NIPBL: variants seen among roughly 807,000 people sequenced by gnomAD.
NIPBL encodes the protein nipped-B-like protein.
In NIPBL, 19 loss-of-function variants were observed where a neutral mutation model predicts 321.8. That is an observed-to-expected ratio of 0.06 (90% CI 0.04 to 0.09). NIPBL has a LOEUF of 0.09. Ranked by LOEUF, NIPBL falls within the 10% of genes least tolerant of loss-of-function variation. The pLI is 1.00. For synonymous variants in NIPBL, 1,106 were observed against 1,114.1 expected (o/e 0.99, Z 0.14); for missense variants, 2,210 against 3,327.0 (o/e 0.66, Z 8.26).
In NIPBL at chr5:37,053,851, T is replaced by C. The variant is rs138928882; in HGVS notation, c.7263+1285T>C. ...GAGCATAAAATAGTAAAAACAGATATGGTTTCTGCCCACACAGAGCACGCA... is the reference window on the plus strand; with the variant it reads ...GAGCATAAAATAGTAAAAACAGATACGGTTTCTGCCCACACAGAGCACGCA... On this transcript the variant is annotated intron_variant, in intron 42 of 46. Transcript: ENST00000282516. 4.3e-3 allele frequency among the ~76,000 whole-genome samples: 648 copies of C among 152,328 alleles called. 2 individuals are homozygous for C. Among genetic ancestry groups the C allele is most frequent in the African/African-American group, 0.014 (599 of 41,566 alleles).
At chr5:36,952,043 TGTGTGTGTGTGC>T (rs984623289) in intron 1 of NIPBL, among the ~76,000 whole-genome samples, 5 of 115,234 alleles carry the variant, frequency 4.3e-5, no homozygotes, top group African/African-American at 1.4e-4. Flanking sequence ...TGTGTGTGTG[TGTGTGTGTGTGC>T]GCGCGCGCGC....
chr5:37,044,611 T>A, intron 35 of NIPBL, 25 bp from the exon 36 acceptor site: 1 of 1,601,800 alleles, frequency 6.2e-7, no homozygotes, highest in Non-Finnish European at 8.5e-7. Context: ...TTAACTTTTA[T>A]CTAAACATTT....
intron 15 of NIPBL, among the ~76,000 whole-genome samples, chr5:37,003,032 A>T (rs1158279072): frequency 6.6e-6 from 1 of 151,702 alleles, no homozygotes; most frequent in African/African-American, 2.4e-5. Context: ...CATTTTCTCA[A>T]ATATTTAGAT....
chr5:36,920,679 C>G (rs1748862415), intron 1 of NIPBL, among the ~76,000 whole-genome samples: 1 of 152,088 alleles, frequency 6.6e-6, no homozygotes, highest in Non-Finnish European at 1.5e-5. Flanking sequence ...AAATGTCTTT[C>G]AGCAAAGAAA....
chr5:37,017,098 G>A lies in NIPBL; in HGVS notation c.4856G>A (p.Arg1619Gln), dbSNP rs772077115. The A allele has an allele frequency of 3.1e-6, 5 of 1,612,708 alleles. No individual in the cohort carries two copies. Among genetic ancestry groups the A allele is most frequent in the East Asian group, 2.2e-5 (1 of 44,772 alleles). ...SLDYLGTVAARLRKDAVTSKM... is the reference protein window; with the variant it reads ...SLDYLGTVAAQLRKDAVTSKM... The stretch of plus-strand genomic sequence containing the variant: ...GATTACCTTGGAACTGTTGCTGCAC[G>A]GCTAAGAAAAGATGCTGTTACAAGC... Residue 1619 changes from arginine to glutamine, a missense_variant, in exon 24 of 47, where the codon CGG becomes CAG. By Grantham distance (43) the Arg-to-Gln change is conservative. Around this residue, in one of 14 missense-constraint regions of NIPBL, gnomAD observed 28 missense variants for 91.3 expected, o/e 0.31. Transcript: ENST00000282516.
chr5:36,898,314 G>A (rs753582859), intron 1 of NIPBL, among the ~76,000 whole-genome samples: 10 of 151,964 alleles, frequency 6.6e-5, no homozygotes, highest in Admixed American at 2.6e-4. Context: ...GTAGAGAAGG[G>A]TAGTGTAATC....
chr5:36,879,892 G>A (rs866926667), intron 1 of NIPBL, among the ~76,000 whole-genome samples: 1 of 152,036 alleles, frequency 6.6e-6, no homozygotes, highest in Non-Finnish European at 1.5e-5. Flanking sequence ...TTTGAGAAGT[G>A]TATATAGGAT....
intron 1 of NIPBL, among the ~76,000 whole-genome samples, chr5:36,918,649 T>C (rs1244010386): frequency 6.6e-6 from 1 of 152,284 alleles, no homozygotes; most frequent in Non-Finnish European, 1.5e-5. Flanking sequence ...CAGTATGATA[T>C]TGGCTGTGGG....
chr5:36,927,740 A>AGATATTT (rs1580252544), intron 1 of NIPBL, among the ~76,000 whole-genome samples: 1 of 152,196 alleles, frequency 6.6e-6, no homozygotes, highest in African/African-American at 2.4e-5. Context: ...ATCCAAATGG[A>AGATATTT]GATATCAAAT....
chr5:36,981,177 G>C (rs1033414301), intron 9 of NIPBL, among the ~76,000 whole-genome samples: 2 of 151,644 alleles, frequency 1.3e-5, no homozygotes, highest in South Asian at 2.1e-4. Flanking sequence ...TATTTGTCTG[G>C]CCTACTAGTT....
At chr5:36,992,713 TA>T (rs1352771490) in intron 10 of NIPBL, among the ~76,000 whole-genome samples, 1 of 60,946 alleles carries the variant, frequency 1.6e-5, no homozygotes, top group African/African-American at 1.0e-4. Context: ...TCATGCATTT[TA>T]TTTATTTATT....
At chr5:37,015,830 A>G (rs935839873) in intron 22 of NIPBL, among the ~76,000 whole-genome samples, 1 of 152,238 alleles carries the variant, frequency 6.6e-6, no homozygotes, top group Non-Finnish European at 1.5e-5. Flanking sequence ...GTATTGCTTA[A>G]TAAATGAATT....
At chr5:37,019,956 C>T (rs1327012920) in intron 25 of NIPBL, among the ~76,000 whole-genome samples, 1 of 152,104 alleles carries the variant, frequency 6.6e-6, no homozygotes, top group Non-Finnish European at 1.5e-5. Flanking sequence ...GCTCTTCAGC[C>T]AAATACTGTA....
chr5:37,007,395 A>G lies in NIPBL; in HGVS notation c.4160A>G (p.Tyr1387Cys), dbSNP rs1313146737. The G allele has an allele frequency of 6.2e-7, 1 of 1,611,030 alleles. No individual in the cohort carries two copies. Among genetic ancestry groups the G allele is most frequent in the Non-Finnish European group, 8.5e-7 (1 of 1,177,640 alleles). ...THKQRVIVML[Y>C]NKVCDIVSSL... ...AAGCAGAGAGTAATAGTAATGCTTT[A>G]TAACAAAGTTTGTGACATTGTTAGC... is the stretch of plus-strand genomic sequence containing the variant. The change falls in exon 18 of 47, where the codon TAT becomes TGT. Residue 1387 changes from tyrosine (Y) to cysteine (C), a missense_variant. Tyr to Cys is a radical substitution (Grantham distance 194). Transcript: ENST00000282516.
chr5:36,924,966 G>A (rs555896114), intron 1 of NIPBL, among the ~76,000 whole-genome samples: 1 of 152,024 alleles, frequency 6.6e-6, no homozygotes, highest in Non-Finnish European at 1.5e-5. Flanking sequence ...CTGTCATCAG[G>A]TTAAGAAACA....
intron 36 of NIPBL, among the ~76,000 whole-genome samples, chr5:37,045,000 TTAGACTCTG>T (rs1448313579): frequency 6.6e-6 from 1 of 151,996 alleles, no homozygotes; most frequent in African/African-American, 2.4e-5. Context: ...TTACATTAGT[TTAGACTCTG>T]AAGAGCACTC....
Position 36,984,843 on chromosome 5 carries a change from G to T in NIPBL, c.1663G>T (p.Ala555Ser). The change falls in exon 10 of 47, where the codon GCT (alanine) becomes TCT (serine). Residue 555 changes from alanine to serine, a missense_variant. By Grantham distance (99) the Ala-to-Ser change is moderately conservative (BLOSUM62 1). This residue lies in a region of NIPBL where 588 missense variants were observed against 564.1 expected (regional missense o/e 1.04). Transcript: ENST00000282516. ...TCAGGCAGGAAGAGTGGACTCTCAG[G>T]CTTCTATAACTCAGGATTCAGACTC... ...LHQAGRVDSQ[A>S]SITQDSDSIK... 1 of 1,613,808 alleles carries T rather than the reference G, an allele frequency of 6.2e-7. No individual in the cohort carries two copies. Among genetic ancestry groups the T allele is most frequent in the Non-Finnish European group, 8.5e-7 (1 of 1,179,876 alleles).
chr5:36,975,870 A>G lies in NIPBL; in HGVS notation c.963A>G (p.Arg321=), dbSNP rs773356740. Residue 321 remains arginine, a synonymous_variant, in exon 9 of 47, where the codon AGA becomes AGG. Transcript: ENST00000282516. ...PPDILLDSPE[R]KQKKQKKMKL... ...ATATCTTGCTAGATTCTCCAGAAAGAAAACAAAAGAAGCAGAAGAAAATGA... is the reference window on the plus strand; with the variant it reads ...ATATCTTGCTAGATTCTCCAGAAAGGAAACAAAAGAAGCAGAAGAAAATGA... 1 of 1,612,030 alleles carries G rather than the reference A, an allele frequency of 6.2e-7. No homozygotes were observed. Among genetic ancestry groups the G allele is most frequent in the East Asian group, 2.2e-5 (1 of 44,850 alleles).
chr5:37,006,679 C>A, intron 17 of NIPBL, 91 bp downstream of exon 17: 1 of 724,050 alleles, frequency 1.4e-6, no homozygotes, highest in Non-Finnish European at 2.4e-6. Context: ...ATTTTTGAAT[C>A]ATATAACTTG....
Sources: allele counts gnomAD v4.1 joint callset (sites outside exome capture counted in the v4.1 genomes callset), GRCh38; gene constraint gnomAD v4.1.1; regional missense constraint gnomAD v4.1.1; transcripts MANE v1.5; gene names NCBI Gene and HGNC (gene_info 2026-07-23, HGNC 2026-07-21).